The following ULK4 variants were observed in gnomAD, a reference collection of about 807,000 sequenced individuals.
ULK4 encodes the protein unc-51 like kinase 4.
In ULK4, 133 loss-of-function variants were observed where a neutral mutation model predicts 160.6. The observed-to-expected ratio is 0.83, with a 90% CI of 0.72 to 0.96. The LOEUF is 0.96. Ranked by LOEUF, ULK4 falls within the 40% of genes least tolerant of loss-of-function variation. ULK4 has a pLI of 0.00. For synonymous variants in ULK4, 534 were observed against 539.8 expected (o/e 0.99, Z 0.15); for missense variants, 1,580 against 1,499.5 (o/e 1.05, Z -0.89).
chr3:41,840,032 T>A (rs2041865306), intron 17 of ULK4, among the ~76,000 whole-genome samples: 1 of 152,152 alleles, frequency 6.6e-6, no homozygotes, highest in Non-Finnish European at 1.5e-5. Context: ...CTAATCAAAT[T>A]CCTACCAAAA....
intron 16 of ULK4, among the ~76,000 whole-genome samples, chr3:41,888,121 T>C (rs184360103): frequency 2.6e-5 from 4 of 151,422 alleles, no homozygotes; most frequent in Admixed American, 2.6e-4. Flanking sequence ...CTAAAAATAA[T>C]AATAAAATAA....
intron 30 of ULK4, among the ~76,000 whole-genome samples, chr3:41,629,980 CAAAT>C (rs1251175576): frequency 1.3e-5 from 2 of 152,120 alleles, no homozygotes; most frequent in Non-Finnish European, 2.9e-5. Context: ...CTCAATGTCT[CAAAT>C]AAATAAATAA....
intron 35 of ULK4, among the ~76,000 whole-genome samples, chr3:41,343,711 C>T (rs965478309): frequency 1.2e-4 from 18 of 152,144 alleles, no homozygotes; most frequent in Admixed American, 7.9e-4. Flanking sequence ...CAACAACAGA[C>T]AAGCCAAGAG....
intron 30 of ULK4, among the ~76,000 whole-genome samples, chr3:41,658,197 T>C (rs776038188): frequency 1.8e-4 from 27 of 152,168 alleles, no homozygotes; most frequent in Non-Finnish European, 3.1e-4. Flanking sequence ...TGGCACAACT[T>C]AGATTGGGGA....
At chr3:41,728,968 GT>G (rs2037739055) in intron 22 of ULK4, among the ~76,000 whole-genome samples, 1 of 152,092 alleles carries the variant, frequency 6.6e-6, no homozygotes, top group Non-Finnish European at 1.5e-5. Flanking sequence ...AGAACTTGTA[GT>G]TTTACACTGA....
intron 35 of ULK4, among the ~76,000 whole-genome samples, chr3:41,374,539 CAT>C (rs2081438939): frequency 6.6e-6 from 1 of 152,192 alleles, no homozygotes; most frequent in African/African-American, 2.4e-5. Context: ...GAAAAAAACA[CAT>C]GATTATCTCA....
rs1344852573 is a variant in ULK4 at position 41,791,495 on chromosome 3, A to G, written c.2011-1652T>C. The stretch of plus-strand genomic sequence containing the variant: ...AGAAAGGAAAAGGTAAATATAACTC[A>G]CATCAAGGAAAATCTAGGACTTTTT... On this transcript the variant is annotated intron_variant, in intron 20 of 36. Coordinates refer to ENST00000301831, the MANE Select transcript of ULK4 (RefSeq NM_017886.4). Among the ~76,000 whole-genome samples the G allele has an allele frequency of 1.3e-5, 2 of 152,330 alleles. 1 individual carries two copies. Among genetic ancestry groups the G allele is most frequent in the South Asian group, 4.1e-4 (2 of 4,830 alleles).
At chr3:41,619,925 A>G (rs1040376475) in intron 30 of ULK4, among the ~76,000 whole-genome samples, 4 of 152,136 alleles carry the variant, frequency 2.6e-5, no homozygotes, top group Admixed American at 2.6e-4. Flanking sequence ...AAATGATACA[A>G]GGGACATCAC....
At chr3:41,817,865 GA>G (rs540601146) in intron 19 of ULK4, among the ~76,000 whole-genome samples, 82 of 152,208 alleles carry the variant, frequency 5.4e-4, no homozygotes, top group African/African-American at 1.9e-3. Context: ...CAAAAGATCT[GA>G]ATAGACATTT....
At chr3:41,595,563 G>A (rs2031636838) in intron 31 of ULK4, among the ~76,000 whole-genome samples, 1 of 152,220 alleles carries the variant, frequency 6.6e-6, no homozygotes, top group Non-Finnish European at 1.5e-5. Flanking sequence ...GAACCTTCGT[G>A]GTCAGATGCA....
intron 19 of ULK4, among the ~76,000 whole-genome samples, chr3:41,814,587 A>G (rs1425122822): frequency 6.6e-6 from 1 of 152,104 alleles, no homozygotes; most frequent in South Asian, 2.1e-4. Context: ...AGATACTGAG[A>G]TATGTGTTTA....
intron 31 of ULK4, among the ~76,000 whole-genome samples, chr3:41,585,326 T>C (rs897137577): frequency 1.3e-5 from 2 of 152,042 alleles, no homozygotes; most frequent in African/African-American, 4.8e-5. Context: ...CACAGACATA[T>C]AAACCAATGG....
chr3:41,658,728 T>TACAC lies in ULK4; in HGVS notation c.3071+4875_3071+4878dup, dbSNP rs748566253. ...ATGCTACTGTGTATGTGAAAAACAG[T>TACAC]ACACACACACACACACACACACACA... On this transcript the variant is annotated intron_variant, in intron 30 of 36. Coordinates refer to ENST00000301831, the MANE Select transcript of ULK4 (RefSeq NM_017886.4). Among the ~76,000 whole-genome samples the TACAC allele has an allele frequency of 2.2e-3, 187 of 84,504 alleles. 2 individuals are homozygous for TACAC. The highest frequency in any genetic ancestry group is 0.011 in the South Asian group (33 of 2,920). The allele number at this position is 84,504 out of a possible 152,430, so 55.4% of individuals were successfully genotyped here. A position where few individuals can be genotyped will look rare whatever the true frequency, so the allele number is the denominator to read the frequency against.
intron 27 of ULK4, among the ~76,000 whole-genome samples, chr3:41,686,080 A>G (rs567265886): frequency 2.5e-4 from 38 of 152,286 alleles, no homozygotes; most frequent in African/African-American, 8.7e-4. Flanking sequence ...ATAGTCATTG[A>G]TGGACTTCTG....
chr3:41,642,009 G>A (rs1379725555), intron 30 of ULK4, among the ~76,000 whole-genome samples: 1 of 151,672 alleles, frequency 6.6e-6, no homozygotes, highest in African/African-American at 2.4e-5. Context: ...CCAAGTAGCT[G>A]GAATTACAGG....
chr3:41,453,180 T>C (rs1575240804), intron 34 of ULK4, among the ~76,000 whole-genome samples: 3 of 152,162 alleles, frequency 2.0e-5, no homozygotes, highest in Non-Finnish European at 1.5e-5. Flanking sequence ...TGTTTTTTGT[T>C]TTTTTGAGAC....
At chr3:41,285,380 T>C (rs900937748) in intron 35 of ULK4, among the ~76,000 whole-genome samples, 3 of 152,058 alleles carry the variant, frequency 2.0e-5, no homozygotes, top group Non-Finnish European at 4.4e-5. Context: ...AACTGTGGTA[T>C]ATATATATAT....
intron 35 of ULK4, among the ~76,000 whole-genome samples, chr3:41,319,825 A>G (rs1054136850): frequency 6.6e-6 from 1 of 152,242 alleles, no homozygotes; most frequent in African/African-American, 2.4e-5. Context: ...GAAACATTAC[A>G]TGAATAAATG....
intron 31 of ULK4, among the ~76,000 whole-genome samples, chr3:41,598,827 AT>A (rs2031867664): frequency 6.6e-6 from 1 of 152,366 alleles, no homozygotes; most frequent in South Asian, 2.1e-4. Context: ...GTAACAAATT[AT>A]CACAGACGTT....
Sources: allele counts gnomAD v4.1 joint callset (sites outside exome capture counted in the v4.1 genomes callset), GRCh38; gene constraint gnomAD v4.1.1; transcripts MANE v1.5; gene names NCBI Gene and HGNC (gene_info 2026-07-23, HGNC 2026-07-21).